ANK3: variants seen among roughly 807,000 people sequenced by gnomAD.
ANK3 encodes ankyrin 3, also known as ankyrin-3.
In ANK3, 57 loss-of-function variants were observed where a neutral mutation model predicts 370.9. That is an observed-to-expected ratio of 0.15 (90% CI 0.12 to 0.19). The LOEUF (loss-of-function observed/expected upper bound fraction) is 0.19, where lower values mean the gene tolerates loss of function less well. Ranked by LOEUF, ANK3 falls within the 10% of genes least tolerant of loss-of-function variation. ANK3 has a pLI of 1.00. For missense variants in ANK3, 4,439 were observed against 5,302.1 expected (o/e 0.84, Z 5.06); for synonymous variants, 1,929 against 1,946.3 (o/e 0.99, Z 0.23).
chr10:60,248,529 C>CA (rs59480647), intron 7 of ANK3, among the ~76,000 whole-genome samples: 16 of 151,446 alleles, frequency 1.1e-4, no homozygotes, highest in Non-Finnish European at 1.3e-4. Flanking sequence ...AGTTCTGCTA[C>CA]AAAAAAAAGG....
intron 1 of ANK3, among the ~76,000 whole-genome samples, chr10:60,379,339 A>T (rs1320163018): frequency 6.6e-6 from 1 of 152,202 alleles, no homozygotes; most frequent in African/African-American, 2.4e-5. Context: ...TAGAACTACC[A>T]TATGATTCAG....
chr10:60,512,263 G>A (rs1283908228), intron 2 of ANK3, among the ~76,000 whole-genome samples: 1 of 152,202 alleles, frequency 6.6e-6, no homozygotes, highest in East Asian at 1.9e-4. Context: ...AATGGTCTTA[G>A]TGCAGTCACT....
chr10:60,277,702 C>T (rs2098112062), intron 4 of ANK3, among the ~76,000 whole-genome samples: 1 of 152,208 alleles, frequency 6.6e-6, no homozygotes, highest in Admixed American at 6.5e-5. Context: ...GTACCCACAG[C>T]TCAGCTGTGC....
intron 4 of ANK3, among the ~76,000 whole-genome samples, chr10:60,276,223 G>A (rs2098088212): frequency 1.3e-5 from 2 of 151,942 alleles, no homozygotes; most frequent in Admixed American, 1.3e-4. Context: ...AAGAGTAAGG[G>A]GCTCTTTTTA....
intron 1 of ANK3, among the ~76,000 whole-genome samples, chr10:60,329,481 C>T (rs1238700778): frequency 6.6e-6 from 1 of 152,164 alleles, no homozygotes; most frequent in Non-Finnish European, 1.5e-5. Context: ...CATTTCTATA[C>T]ACCAATAATA....
rs753142166 is a variant in ANK3, at chr10:60,073,393, C to T, written c.7488G>A (p.Gln2496=). ...TTTCTCTGGACCGCTTATCAGACCC[C>T]TGTAACTCTGAGCTAGGGGGTCCTG... ...DHAGPPSSEL[Q]GSDKRSREKI... is the part of the protein sequence containing the mutation. The change falls in exon 37 of 44, where the codon CAG becomes CAA. Residue 2496 remains glutamine, a synonymous_variant. Transcript: ENST00000280772. 1.9e-6 allele frequency: 3 copies of T among 1,613,842 alleles called. No individual in the cohort carries two copies. The highest frequency in any genetic ancestry group is 2.5e-6 in the Non-Finnish European group (3 of 1,180,006).
intron 2 of ANK3, among the ~76,000 whole-genome samples, chr10:60,470,199 A>G (rs1173476751): frequency 1.3e-5 from 2 of 152,128 alleles, no homozygotes; most frequent in African/African-American, 2.4e-5. Flanking sequence ...AGAACTTACA[A>G]TATCACAGGG....
intron 1 of ANK3, among the ~76,000 whole-genome samples, chr10:60,326,902 C>T (rs1047291443): frequency 2.5e-4 from 38 of 151,722 alleles, no homozygotes; most frequent in African/African-American, 9.2e-4. Flanking sequence ...CGCCTTTAGT[C>T]CCAGCTACTC....
chr10:60,246,410 T>A (rs1455281719), intron 7 of ANK3, among the ~76,000 whole-genome samples: 2 of 152,158 alleles, frequency 1.3e-5, no homozygotes, highest in Admixed American at 1.3e-4. Context: ...GCTAACTGTT[T>A]GCTTATTCTA....
rs1305790106 is a variant in ANK3 at position 60,069,920 on chromosome 10, A to C, written c.10961T>G (p.Val3654Gly). Residue 3654 changes from valine (V) to glycine (G), a missense_variant, in exon 37 of 44, where the codon GTC (valine) becomes GGC (glycine). Coordinates refer to ENST00000280772, the MANE Select transcript of ANK3 (RefSeq NM_020987.5). ...GDQGEGDKSM[V>G]TATPQPQSGD... ...TGACTGTGGCTGTGGTGTGGCAGTG[A>C]CCATACTTTTATCCCCTTCCCCCTG... The C allele has an allele frequency of 6.2e-7, 1 of 1,613,798 alleles. No homozygotes were observed. The highest frequency in any genetic ancestry group is 1.3e-5 in the African/African-American group (1 of 74,906).
At chr10:60,585,360 A>G (rs1016755881) in intron 2 of ANK3, among the ~76,000 whole-genome samples, 1 of 152,216 alleles carries the variant, frequency 6.6e-6, no homozygotes, top group Non-Finnish European at 1.5e-5. Flanking sequence ...AGATGAGCTT[A>G]GGCAGAAATT....
chr10:60,302,028 T>G (rs1460555723), intron 1 of ANK3, among the ~76,000 whole-genome samples: 1 of 152,162 alleles, frequency 6.6e-6, no homozygotes, highest in African/African-American at 2.4e-5. Context: ...CAGAGACTAC[T>G]AAGTGCCAGA....
chr10:60,210,156 A>T (rs1003476133), intron 9 of ANK3, among the ~76,000 whole-genome samples: 8 of 152,236 alleles, frequency 5.3e-5, no homozygotes, highest in Non-Finnish European at 1.0e-4. Context: ...GCATGAAAAT[A>T]GGTGCTTGTG....
At chr10:60,634,889 G>C (rs570920419) in intron 1 of ANK3, among the ~76,000 whole-genome samples, 17 of 152,006 alleles carry the variant, frequency 1.1e-4, no homozygotes, top group African/African-American at 3.9e-4. Flanking sequence ...GCGAGAGAAC[G>C]AACCTACCAG....
At chr10:60,517,711 G>A (rs2076253156) in intron 2 of ANK3, among the ~76,000 whole-genome samples, 1 of 151,984 alleles carries the variant, frequency 6.6e-6, no homozygotes, top group South Asian at 2.1e-4. Flanking sequence ...TTTGTAAACT[G>A]TAAAATATAG....
At chr10:60,300,462 C>A in intron 1 of ANK3, 1 of 1,283,858 alleles carries the variant, frequency 7.8e-7, no homozygotes, top group South Asian at 1.2e-5. Flanking sequence ...TCCCCCACTT[C>A]CTAGGAAGGA....
intron 1 of ANK3, among the ~76,000 whole-genome samples, chr10:60,329,782 C>T (rs2132932026): frequency 6.6e-6 from 1 of 152,272 alleles, no homozygotes; most frequent in South Asian, 2.1e-4. Context: ...TTGGAAAAAA[C>T]TACTTTAAAT....
intron 2 of ANK3, among the ~76,000 whole-genome samples, chr10:60,558,386 A>G (rs2077257843): frequency 6.6e-6 from 1 of 152,216 alleles, no homozygotes; most frequent in African/African-American, 2.4e-5. Context: ...GAAAACAGTG[A>G]TATTTGTGTG....
chr10:60,608,680 C>T (rs951844342), intron 2 of ANK3, among the ~76,000 whole-genome samples: 10 of 152,138 alleles, frequency 6.6e-5, no homozygotes, highest in African/African-American at 2.4e-4. Context: ...ATATATTTTA[C>T]GTCTAGGAAT....
Sources: gnomAD v4.1 joint callset for allele counts (sites outside exome capture counted in the v4.1 genomes callset) on GRCh38, gnomAD v4.1.1 for gene constraint, MANE v1.5 for transcripts, NCBI Gene and HGNC (gene_info 2026-07-23, HGNC 2026-07-21) for gene names.